The following MTF2 variants were observed in gnomAD, a reference collection of about 807,000 sequenced individuals.
The protein encoded by MTF2 is metal-response element-binding transcription factor 2.
Under a neutral mutation model 79.5 loss-of-function variants are expected in MTF2, and 11 were observed. The observed-to-expected ratio is 0.14, with a 90% CI of 0.09 to 0.23. The LOEUF (loss-of-function observed/expected upper bound fraction) is 0.23, where lower values mean the gene tolerates loss of function less well. Among genes scored for constraint, MTF2 ranks in the 10% least tolerant of loss-of-function variants. The pLI, the probability that MTF2 is intolerant of heterozygous loss-of-function variation, is 1.00. For missense variants in MTF2, 486 were observed against 711.2 expected, an observed-to-expected ratio of 0.68 and a Z score of 3.60; for synonymous variants, 208 against 232.8, an observed-to-expected ratio of 0.89 and a Z score of 0.97.
intron 6 of MTF2, among the ~76,000 whole-genome samples, chr1:93,116,547 C>T (rs1467686118): frequency 7.9e-5 from 11 of 138,972 alleles, no homozygotes; most frequent in Admixed American, 6.1e-4. Flanking sequence ...TCTGTTGCCT[C>T]GGCTGGAGTG....
chr1:93,102,128 C>T (rs1002261003), intron 1 of MTF2, among the ~76,000 whole-genome samples: 3 of 149,998 alleles, frequency 2.0e-5, no homozygotes, highest in Non-Finnish European at 2.9e-5. Flanking sequence ...TACTGATTCC[C>T]CAATCAAAAA....
chr1:93,132,925 A>G (rs1309623625), intron 11 of MTF2, among the ~76,000 whole-genome samples: 9 of 152,126 alleles, frequency 5.9e-5, no homozygotes, highest in Non-Finnish European at 8.8e-5. Context: ...ATTATCTAAT[A>G]TCATCTTTAT....
At chr1:93,087,114 T>G (rs899584568) in intron 1 of MTF2, among the ~76,000 whole-genome samples, 3 of 152,220 alleles carry the variant, frequency 2.0e-5, no homozygotes, top group African/African-American at 7.2e-5. Context: ...CATGTGTGGT[T>G]GATGCTTAGA....
chr1:93,084,965 T>A (rs1008157376), intron 1 of MTF2, among the ~76,000 whole-genome samples: 2 of 152,206 alleles, frequency 1.3e-5, no homozygotes, highest in African/African-American at 4.8e-5. Context: ...CACTTTCTCC[T>A]ATCCTCATTT....
At chr1:93,121,021 ATAAACT>A in intron 9 of MTF2, 1 of 1,035,680 alleles carries the variant, frequency 9.7e-7, no homozygotes, top group East Asian at 1.1e-4. Flanking sequence ...TAAGTTTTCT[ATAAACT>A]TAGAGATATA....
intron 9 of MTF2, chr1:93,121,440 A>G (rs1221148031): frequency 1.1e-6 from 1 of 923,690 alleles, no homozygotes; most frequent in Non-Finnish European, 1.3e-6. Context: ...TTTGATATGT[A>G]TATCTTAGTC....
intron 1 of MTF2, among the ~76,000 whole-genome samples, chr1:93,107,620 C>T (rs904899908): frequency 6.6e-6 from 1 of 152,164 alleles, no homozygotes; most frequent in Non-Finnish European, 1.5e-5. Flanking sequence ...CATGGAACAC[C>T]ATTTTTACTT....
At chr1:93,101,366 C>CTTTTT (rs71586777) in intron 1 of MTF2, among the ~76,000 whole-genome samples, 1 of 108,608 alleles carries the variant, frequency 9.2e-6, no homozygotes, top group Admixed American at 9.8e-5. Flanking sequence ...CTATCTTAAC[C>CTTTTT]TTTTTTTTTT....
At chr1:93,104,703 A>AAGT (rs1208873313) in intron 1 of MTF2, among the ~76,000 whole-genome samples, 13 of 151,766 alleles carry the variant, frequency 8.6e-5, no homozygotes, top group African/African-American at 2.7e-4. Flanking sequence ...AAAGTAGATA[A>AAGT]AGATGAAAAG....
At chr1:93,087,604 A>G (rs939383861) in intron 1 of MTF2, among the ~76,000 whole-genome samples, 6 of 151,170 alleles carry the variant, frequency 4.0e-5, no homozygotes, top group African/African-American at 1.5e-4. Context: ...GGCAAAATAT[A>G]CTGTGGACAA....
intron 9 of MTF2, among the ~76,000 whole-genome samples, chr1:93,123,388 A>G (rs1571246911): frequency 2.0e-5 from 3 of 151,910 alleles, no homozygotes; most frequent in Middle Eastern, 3.4e-3. Flanking sequence ...TGTTATACGT[A>G]ATATAGACTA....
intron 1 of MTF2, among the ~76,000 whole-genome samples, chr1:93,099,070 G>T (rs758554227): frequency 2.9e-4 from 44 of 152,118 alleles, no homozygotes; most frequent in Non-Finnish European, 5.4e-4. Context: ...AATGTAGAGA[G>T]GGTTTTTACA....
At chr1:93,112,121 T>G (rs557236771) in intron 3 of MTF2, among the ~76,000 whole-genome samples, 6 of 152,318 alleles carry the variant, frequency 3.9e-5, no homozygotes, top group Middle Eastern at 3.4e-3. Flanking sequence ...GTTCTGTGGT[T>G]GTTCTTTCTT....
chr1:93,099,109 A>G (rs1324989457), intron 1 of MTF2, among the ~76,000 whole-genome samples: 1 of 152,194 alleles, frequency 6.6e-6, no homozygotes, highest in African/African-American at 2.4e-5. Context: ...AGACCTCCAT[A>G]TTTTGGCAGA....
In MTF2 at chr1:93,115,530, T is replaced by A; in HGVS notation, c.544T>A (p.Leu182Ile). The change falls in exon 6 of 15, where the codon TTA (leucine) becomes ATA (isoleucine). Residue 182 changes from leucine (L) to isoleucine (I), a missense_variant. Leu to Ile is a conservative substitution (Grantham distance 5). Coordinates refer to ENST00000370298, the MANE Select transcript of MTF2 (RefSeq NM_007358.4). The part of the protein sequence containing the change: ...AKALQVMKQT[L>I]PYSVADLEWD... ...AGCATTGCAAGTCATGAAGCAGACA[T>A]TACCCTATAGTGTGGCAGACCTTGA... 1 of 1,611,696 alleles carries A rather than the reference T, an allele frequency of 6.2e-7. No individual in the cohort carries two copies. Among genetic ancestry groups the A allele is most frequent in the Non-Finnish European group, 8.5e-7 (1 of 1,178,962 alleles).
Position 93,119,342 on chromosome 1 carries a change from G to A in MTF2, c.738G>A (p.Thr246=), listed in dbSNP as rs778891390. The change falls in exon 8 of 15, where the codon ACG becomes ACA. Residue 246 remains threonine, a synonymous_variant. Coordinates refer to ENST00000370298, the MANE Select transcript of MTF2 (RefSeq NM_007358.4). ...KPMLFGDRFY[T]FICSVCSSGP... is the part of the protein sequence containing the mutation. ...TTTTTTTTTTTCTTAGATTTTATAC[G>A]TTTATATGCTCTGTCTGCAGTTCTG... The A allele has an allele frequency of 1.1e-5, 17 of 1,562,568 alleles. No individual in the cohort carries two copies. Among genetic ancestry groups the A allele is most frequent in the Middle Eastern group, 1.8e-4 (1 of 5,456 alleles).
intron 1 of MTF2, among the ~76,000 whole-genome samples, chr1:93,105,027 C>A (rs1407013388): frequency 6.6e-6 from 1 of 151,460 alleles, no homozygotes; most frequent in South Asian, 2.1e-4. Context: ...GCCTGTAGTC[C>A]CAGCTACTCG....
At chr1:93,103,355 G>A (rs1655629032) in intron 1 of MTF2, among the ~76,000 whole-genome samples, 1 of 151,600 alleles carries the variant, frequency 6.6e-6, no homozygotes, top group African/African-American at 2.4e-5. Flanking sequence ...CATCCTAAAT[G>A]TTCCTCCATT....
At chr1:93,110,459 T>A in intron 2 of MTF2, 31 bp downstream of exon 2, 5 of 1,611,086 alleles carry the variant, frequency 3.1e-6, no homozygotes, top group Non-Finnish European at 4.2e-6. Flanking sequence ...TTTTGCTGTT[T>A]TTGCAGTAAG....
Sources: allele counts gnomAD v4.1 joint callset (sites outside exome capture counted in the v4.1 genomes callset), GRCh38; gene constraint gnomAD v4.1.1; transcripts MANE v1.5; gene names NCBI Gene and HGNC (gene_info 2026-07-23, HGNC 2026-07-21).